LPAR1: variants seen among roughly 807,000 people sequenced by gnomAD.
LPAR1 encodes the protein LPA receptor 1.
Under a neutral mutation model 23.8 loss-of-function variants are expected in LPAR1, and 5 were observed. The observed-to-expected ratio is 0.21, with a 90% CI of 0.11 to 0.44. The LOEUF is 0.44. Among genes scored for constraint, LPAR1 ranks in the 20% least tolerant of loss-of-function variants. The pLI is 0.99. For missense variants in LPAR1, 311 were observed against 482.8 expected (o/e 0.64, Z 3.33); for synonymous variants, 160 against 164.7 (o/e 0.97, Z 0.22).
intron 4 of LPAR1, among the ~76,000 whole-genome samples, chr9:110,961,617 C>CAAAAA (rs57773067): frequency 7.5e-4 from 60 of 79,780 alleles, no homozygotes; most frequent in Non-Finnish European, 7.9e-4. Context: ...GAGACTATCT[C>CAAAAA]AAAAAAAAAA....
chr9:110,926,909 C>T (rs1472485377), intron 5 of LPAR1, among the ~76,000 whole-genome samples: 1 of 152,212 alleles, frequency 6.6e-6, no homozygotes, highest in African/African-American at 2.4e-5. Context: ...CAACTCCTCA[C>T]ACGGTCATTG....
intron 5 of LPAR1, among the ~76,000 whole-genome samples, chr9:110,878,309 G>T (rs1306340939): frequency 6.6e-6 from 1 of 152,030 alleles, no homozygotes; most frequent in Non-Finnish European, 1.5e-5. Context: ...GAGGCCTCAA[G>T]GATCAAACTG....
At chr9:110,995,989 G>A (rs1158167323) in intron 2 of LPAR1, among the ~76,000 whole-genome samples, 5 of 152,054 alleles carry the variant, frequency 3.3e-5, no homozygotes, top group African/African-American at 1.2e-4. Context: ...TAAACTATGA[G>A]GAGATAGTAA....
At chr9:111,031,988 T>C (rs1265967585) in intron 2 of LPAR1, among the ~76,000 whole-genome samples, 2 of 152,214 alleles carry the variant, frequency 1.3e-5, no homozygotes, top group Non-Finnish European at 2.9e-5. Context: ...TAATGTCATA[T>C]GATAGAGGGC....
upstream of LPAR1, chr9:111,038,797 C>A: frequency 3.0e-6 from 1 of 331,340 alleles, no homozygotes; most frequent in South Asian, 2.1e-5. The surrounding 1 kb of genome is among the most constrained non-coding windows in gnomAD (Gnocchi z 4.4). Context: ...GCCCCGCCCC[C>A]GAGTCGACAC....
intron 5 of LPAR1, among the ~76,000 whole-genome samples, chr9:110,901,029 T>C (rs1028784625): frequency 3.3e-5 from 5 of 152,202 alleles, no homozygotes; most frequent in Non-Finnish European, 5.9e-5. Context: ...CTCTTCAGAG[T>C]GAAAGCATGC....
intron 2 of LPAR1, among the ~76,000 whole-genome samples, chr9:111,027,660 T>G (rs1288011083): frequency 6.6e-6 from 1 of 151,694 alleles, no homozygotes; most frequent in Non-Finnish European, 1.5e-5. Flanking sequence ...CAATTTTAAA[T>G]GTAGTGATAG....
intron 5 of LPAR1, among the ~76,000 whole-genome samples, chr9:110,940,406 T>C (rs901525670): frequency 3.9e-5 from 6 of 152,202 alleles, no homozygotes; most frequent in African/African-American, 1.2e-4. Flanking sequence ...AAATGCTATA[T>C]AAATTGGAGC....
At chr9:111,017,156 G>A (rs41506255) in intron 2 of LPAR1, among the ~76,000 whole-genome samples, 23,440 of 152,012 alleles carry the variant, frequency 0.15, 2,167 homozygotes, top group African/African-American at 0.25. Flanking sequence ...AAAATGCGTG[G>A]CCCTTTTCTA....
intron 5 of LPAR1, among the ~76,000 whole-genome samples, chr9:110,877,049 G>A (rs997979629): frequency 1.3e-5 from 2 of 152,180 alleles, no homozygotes; most frequent in Non-Finnish European, 2.9e-5. Context: ...GGAAGTAGGA[G>A]CAACCCCAGA....
chr9:110,954,658 T>G (rs2095676726), intron 4 of LPAR1, among the ~76,000 whole-genome samples: 2 of 151,774 alleles, frequency 1.3e-5, no homozygotes, highest in Non-Finnish European at 2.9e-5. Flanking sequence ...CAGGAGAGAA[T>G]GGGATGGGAT....
chr9:111,024,171 A>G (rs1202708790), intron 2 of LPAR1, among the ~76,000 whole-genome samples: 1 of 152,062 alleles, frequency 6.6e-6, no homozygotes, highest in Admixed American at 6.5e-5. Flanking sequence ...AAATGTAGAA[A>G]AAAATCCTGA....
chr9:111,032,160 G>C (rs2097807073), intron 2 of LPAR1, among the ~76,000 whole-genome samples: 1 of 152,196 alleles, frequency 6.6e-6, no homozygotes, highest in Admixed American at 6.5e-5. Context: ...CCAGATATCA[G>C]TTCTTATTCT....
At chr9:111,017,129 C>T (rs1223047126) in intron 2 of LPAR1, among the ~76,000 whole-genome samples, 1 of 152,162 alleles carries the variant, frequency 6.6e-6, no homozygotes, top group Admixed American at 6.5e-5. Flanking sequence ...TTCATGTCAA[C>T]TATGAGGAAG....
intron 2 of LPAR1, among the ~76,000 whole-genome samples, chr9:111,005,452 G>T (rs914653392): frequency 6.7e-6 from 1 of 148,458 alleles, no homozygotes; most frequent in African/African-American, 2.5e-5. Flanking sequence ...GGAGGCTGAG[G>T]TGAGAGAATT....
At chr9:110,933,103 A>G (rs972040147) in intron 5 of LPAR1, among the ~76,000 whole-genome samples, 2 of 152,222 alleles carry the variant, frequency 1.3e-5, no homozygotes, top group African/African-American at 2.4e-5. Context: ...TTTTTCATAC[A>G]TAGGGCTGAG....
chr9:110,909,758 T>TATTTATTA (rs2092107847), intron 5 of LPAR1, among the ~76,000 whole-genome samples: 1 of 151,672 alleles, frequency 6.6e-6, no homozygotes, highest in Non-Finnish European at 1.5e-5. Flanking sequence ...TTTATTTATT[T>TATTTATTA]ATTTAGAGAG....
chr9:110,903,155 C>A (rs1458353831), intron 5 of LPAR1, among the ~76,000 whole-genome samples: 9 of 152,236 alleles, frequency 5.9e-5, no homozygotes, highest in Non-Finnish European at 1.3e-4. Context: ...AAAATCACAA[C>A]TTGACTGTGA....
At chr9:110,970,655 C>A (rs1304451146) in intron 4 of LPAR1, among the ~76,000 whole-genome samples, 2 of 152,010 alleles carry the variant, frequency 1.3e-5, no homozygotes, top group Admixed American at 1.3e-4. Context: ...AAAAATGCCC[C>A]TTGTTCTCCT....
Sources: allele counts gnomAD v4.1 joint callset (sites outside exome capture counted in the v4.1 genomes callset), GRCh38; gene constraint gnomAD v4.1.1; non-coding constraint Gnocchi (gnomAD v3.1); transcripts MANE v1.5; gene names NCBI Gene and HGNC (gene_info 2026-07-23, HGNC 2026-07-21).